The following PCLO variants were observed in gnomAD, a reference collection of about 807,000 sequenced individuals.
The protein encoded by PCLO is protein piccolo.
Under a neutral mutation model 427.5 loss-of-function variants are expected in PCLO, and 82 were observed. The ratio of observed to expected loss-of-function variants is 0.19; its 90% CI spans 0.16 to 0.23. The LOEUF is 0.23. Among genes scored for constraint, PCLO ranks in the 10% least tolerant of loss-of-function variants. The pLI, the probability that PCLO is intolerant of heterozygous loss-of-function variation, is 1.00. For missense variants in PCLO, 6,239 were observed against 6,115.9 expected, an observed-to-expected ratio of 1.02 and a Z score of -0.67; for synonymous variants, 2,357 against 2,155.4, an observed-to-expected ratio of 1.09 and a Z score of -2.59.
At chr7:82,973,572 T>C (rs1488076861) in intron 3 of PCLO, among the ~76,000 whole-genome samples, 2 of 151,232 alleles carry the variant, frequency 1.3e-5, no homozygotes, top group Non-Finnish European at 2.9e-5. Context: ...TTATCATTCC[T>C]AGGTAAAAGG....
chr7:82,971,810 T>C (rs1379544828), intron 3 of PCLO, among the ~76,000 whole-genome samples: 1 of 150,564 alleles, frequency 6.6e-6, no homozygotes, highest in Non-Finnish European at 1.5e-5. Context: ...CATAAAAAAT[T>C]ACAAAATATA....
intron 22 of PCLO, among the ~76,000 whole-genome samples, chr7:82,786,152 A>G (rs535308805): frequency 3.9e-5 from 6 of 152,204 alleles, no homozygotes; most frequent in Non-Finnish European, 7.4e-5. Flanking sequence ...GAAAAAAAGG[A>G]AAGAGATTTA....
intron 18 of PCLO, among the ~76,000 whole-genome samples, chr7:82,825,611 T>G (rs1584015975): frequency 6.7e-6 from 1 of 148,656 alleles, no homozygotes; most frequent in Middle Eastern, 3.6e-3. Context: ...ACAATGTGTA[T>G]GTGTGTATAT....
At chr7:82,963,131 T>C (rs1054534675) in intron 4 of PCLO, among the ~76,000 whole-genome samples, 27 of 152,008 alleles carry the variant, frequency 1.8e-4, no homozygotes, top group Non-Finnish European at 3.5e-4. Context: ...ACCTGTTTCT[T>C]TGAGAAAATT....
At chr7:82,936,145 T>TC (rs1794949206) in intron 6 of PCLO, among the ~76,000 whole-genome samples, 1 of 151,286 alleles carries the variant, frequency 6.6e-6, no homozygotes, top group African/African-American at 2.4e-5. Flanking sequence ...CTTGGAAGAG[T>TC]CTCTAGATAG....
intron 22 of PCLO, among the ~76,000 whole-genome samples, chr7:82,779,175 A>C (rs1238471832): frequency 1.3e-5 from 2 of 152,046 alleles, no homozygotes; most frequent in African/African-American, 4.8e-5. Flanking sequence ...GGAGTCTTAG[A>C]CTTTCTGCTG....
At chr7:82,817,777 T>A (rs1188807786) in intron 20 of PCLO, among the ~76,000 whole-genome samples, 1 of 152,158 alleles carries the variant, frequency 6.6e-6, no homozygotes, top group African/African-American at 2.4e-5. Flanking sequence ...AATAATTTAT[T>A]GTCTCACCTA....
At chr7:83,099,732 A>G (rs1790689302) in intron 3 of PCLO, among the ~76,000 whole-genome samples, 2 of 152,160 alleles carry the variant, frequency 1.3e-5, no homozygotes, top group African/African-American at 4.8e-5. Flanking sequence ...TAAATGTATG[A>G]TACACTTGCA....
intron 4 of PCLO, among the ~76,000 whole-genome samples, chr7:82,964,024 T>C (rs1354233626): frequency 6.6e-6 from 1 of 152,174 alleles, no homozygotes; most frequent in Non-Finnish European, 1.5e-5. Context: ...TAGGAACATC[T>C]GAGTGATGGA....
intron 8 of PCLO, among the ~76,000 whole-genome samples, chr7:82,906,496 C>A (rs1794195248): frequency 6.6e-6 from 1 of 151,924 alleles, no homozygotes; most frequent in Middle Eastern, 3.4e-3. Context: ...AATATTAATG[C>A]AAAAAGCATG....
chr7:82,771,233 T>C (rs535242331), intron 22 of PCLO, among the ~76,000 whole-genome samples: 1 of 151,914 alleles, frequency 6.6e-6, no homozygotes, highest in Non-Finnish European at 1.5e-5. Context: ...TCCCTTTTTT[T>C]CTTATGTATC....
chr7:83,015,335 T>C (rs982198282), intron 3 of PCLO, among the ~76,000 whole-genome samples: 3 of 151,936 alleles, frequency 2.0e-5, no homozygotes, highest in African/African-American at 4.8e-5. Flanking sequence ...TTTTTTTTTT[T>C]CTTTTAGTCA....
At chr7:83,140,900 T>A (rs1279302213) in intron 2 of PCLO, among the ~76,000 whole-genome samples, 1 of 152,194 alleles carries the variant, frequency 6.6e-6, no homozygotes, top group Non-Finnish European at 1.5e-5. Flanking sequence ...CAGTTACACA[T>A]AGTAACTATA....
chr7:82,837,259 C>T lies in PCLO; in HGVS notation c.14222+959G>A, dbSNP rs368113138. ...AACATGATTGGTCACTAAGTGATAA[C>T]TGTTGAGGCTGAGTGATGGGTACAT... On this transcript the variant is annotated intron_variant, in intron 15 of 24. Transcript: ENST00000333891. Among the ~76,000 whole-genome samples the T allele has an allele frequency of 1.2e-3, 180 of 152,058 alleles. 1 individual carries two copies. The highest frequency in any genetic ancestry group is 3.4e-3 in the Middle Eastern group (1 of 294).
intron 3 of PCLO, among the ~76,000 whole-genome samples, chr7:83,095,256 G>C (rs1790503422): frequency 6.6e-6 from 1 of 151,834 alleles, no homozygotes; most frequent in African/African-American, 2.4e-5. Flanking sequence ...GTTGTTTGTA[G>C]CATTTCCTTC....
intron 3 of PCLO, among the ~76,000 whole-genome samples, chr7:83,094,934 G>T (rs552906107): frequency 6.6e-6 from 1 of 152,154 alleles, no homozygotes; most frequent in South Asian, 2.1e-4. Flanking sequence ...TCTTATATTT[G>T]TACCGTCTTT....
At chr7:83,041,246 A>AT (rs1414496143) in intron 3 of PCLO, among the ~76,000 whole-genome samples, 1 of 152,176 alleles carries the variant, frequency 6.6e-6, no homozygotes, top group Non-Finnish European at 1.5e-5. Context: ...AGAAATAAAG[A>AT]TTCAGTCAGA....
chr7:82,950,184 C>A lies in PCLO; in HGVS notation c.10404G>T (p.Val3468=). 6.2e-7 allele frequency: 1 copy of A among 1,611,346 alleles called. No homozygotes were observed. Among genetic ancestry groups the A allele is most frequent in the Non-Finnish European group, 8.5e-7 (1 of 1,179,460 alleles). ...VSRRRRTKKS[V]DTSVQTDDED... is the part of the protein sequence containing the mutation. ...CATCATCAGTTTGGACGCTTGTATC[C>A]ACACTCTTTTTAGTTCTCCTTCTCC... Residue 3468 remains valine, a synonymous_variant, in exon 6 of 25, where the codon GTG becomes GTT. Coordinates refer to ENST00000333891, the MANE Select transcript of PCLO (RefSeq NM_033026.6).
chr7:83,037,967 G>A (rs1374199713), intron 3 of PCLO, among the ~76,000 whole-genome samples: 1 of 104,050 alleles, frequency 9.6e-6, no homozygotes, highest in African/African-American at 3.5e-5. Context: ...CGTGTTAGTT[G>A]TGTGGAGGTG....
Sources: allele counts gnomAD v4.1 joint callset (sites outside exome capture counted in the v4.1 genomes callset), GRCh38; gene constraint gnomAD v4.1.1; transcripts MANE v1.5; gene names NCBI Gene and HGNC (gene_info 2026-07-23, HGNC 2026-07-21).